Variants in NEK10 observed in about 807,000 individuals in gnomAD.
The protein encoded by NEK10 is serine/threonine-protein kinase Nek10.
In NEK10, 122 loss-of-function variants were observed where a neutral mutation model predicts 159.8. The ratio of observed to expected loss-of-function variants is 0.76; its 90% CI spans 0.66 to 0.89. The LOEUF (loss-of-function observed/expected upper bound fraction) is 0.89. NEK10 is among the 40% of genes least tolerant of loss of function. NEK10 has a pLI of 0.00. For missense variants in NEK10, 1,342 were observed against 1,323.1 expected (o/e 1.01, Z -0.22); for synonymous variants, 466 against 457.1 (o/e 1.02, Z -0.25).
chr3:27,224,352 A>G (rs949066997), intron 23 of NEK10, among the ~76,000 whole-genome samples: 9 of 152,198 alleles, frequency 5.9e-5, no homozygotes, highest in African/African-American at 2.2e-4. Context: ...TTCTGTACCC[A>G]GGCCCCTGCC....
chr3:27,368,165 C>A (rs1373692724), intron 1 of NEK10, among the ~76,000 whole-genome samples: 1 of 151,928 alleles, frequency 6.6e-6, no homozygotes, highest in Non-Finnish European at 1.5e-5. Flanking sequence ...TAGTGGCTCG[C>A]GCCTGTAATC....
intron 23 of NEK10, among the ~76,000 whole-genome samples, chr3:27,253,919 T>C (rs561236872): frequency 1.3e-4 from 20 of 152,270 alleles, no homozygotes; most frequent in Non-Finnish European, 2.5e-4. Flanking sequence ...CCTCAAGCAA[T>C]GGCCCTCCAG....
At chr3:27,186,539 G>C (rs917037884) in intron 26 of NEK10, among the ~76,000 whole-genome samples, 1 of 152,146 alleles carries the variant, frequency 6.6e-6, no homozygotes, top group African/African-American at 2.4e-5. Flanking sequence ...ATTAGAGTTG[G>C]GCTGTTGATG....
chr3:27,340,499 A>G (rs1448355885), intron 5 of NEK10, among the ~76,000 whole-genome samples: 1 of 152,170 alleles, frequency 6.6e-6, no homozygotes, highest in Non-Finnish European at 1.5e-5. Flanking sequence ...CGTTCTGAAC[A>G]TGTATACCAG....
chr3:27,200,600 CT>C (rs1306704233), intron 25 of NEK10, among the ~76,000 whole-genome samples: 1 of 152,214 alleles, frequency 6.6e-6, no homozygotes, highest in Non-Finnish European at 1.5e-5. Flanking sequence ...TACAAATTAA[CT>C]GACTAAGTCC....
intron 3 of NEK10, among the ~76,000 whole-genome samples, chr3:27,348,554 A>G (rs1474245787): frequency 1.3e-5 from 2 of 152,096 alleles, no homozygotes; most frequent in African/African-American, 4.8e-5. Flanking sequence ...CAGTTTGTCT[A>G]TCTTCTGTGT....
At chr3:27,150,824 A>C (rs1944780359) in intron 30 of NEK10, among the ~76,000 whole-genome samples, 3 of 152,200 alleles carry the variant, frequency 2.0e-5, no homozygotes, top group Non-Finnish European at 2.9e-5. Flanking sequence ...AGTCTATTGA[A>C]AACCTCCCAG....
intron 30 of NEK10, among the ~76,000 whole-genome samples, chr3:27,147,716 G>A (rs573793097): frequency 2.4e-4 from 36 of 152,290 alleles, no homozygotes; most frequent in African/African-American, 7.0e-4. Flanking sequence ...GGCCTGTAGC[G>A]TTAGAGGTTA....
At chr3:27,326,691 GT>G (rs2046025332) in intron 5 of NEK10, among the ~76,000 whole-genome samples, 1 of 152,108 alleles carries the variant, frequency 6.6e-6, no homozygotes, top group African/African-American at 2.4e-5. Flanking sequence ...TTTTTGTTTT[GT>G]TTTGTTTTGC....
chr3:27,249,867 T>G (rs1385397290), intron 23 of NEK10, among the ~76,000 whole-genome samples: 1 of 152,222 alleles, frequency 6.6e-6, no homozygotes, highest in Non-Finnish European at 1.5e-5. Context: ...TTTATTACTT[T>G]TTACTTTTTG....
At chr3:27,119,123 A>G (rs1940925518) in intron 33 of NEK10, among the ~76,000 whole-genome samples, 1 of 152,216 alleles carries the variant, frequency 6.6e-6, no homozygotes, top group Non-Finnish European at 1.5e-5. Context: ...ACTAATAGAC[A>G]GGCAGTTTTT....
intron 30 of NEK10, among the ~76,000 whole-genome samples, chr3:27,142,846 T>G (rs1943919965): frequency 6.6e-6 from 1 of 152,208 alleles, no homozygotes; most frequent in Admixed American, 6.5e-5. Flanking sequence ...CAGATATCTT[T>G]ACTGAGTTAG....
chr3:27,230,309 C>A (rs1390423393), intron 23 of NEK10, among the ~76,000 whole-genome samples: 1 of 151,946 alleles, frequency 6.6e-6, no homozygotes, highest in Non-Finnish European at 1.5e-5. Flanking sequence ...CTTTTTCAGA[C>A]AAACAAATGC....
rs75388206 is a variant in NEK10, at chr3:27,149,591, T to C, written c.2870-8009A>G. 2.1e-4 allele frequency among the ~76,000 whole-genome samples: 32 copies of C among 152,282 alleles called. No individual in the cohort carries two copies. In the East Asian group the frequency reaches 6.2e-3, roughly 29 times the overall value. On this transcript the variant is annotated intron_variant, in intron 30 of 35. Coordinates refer to ENST00000691995, the MANE Select transcript of NEK10 (RefSeq NM_001394966.1). ...TTTGGGGCACCACAAACTGCACTCA[T>C]ATAAGATAGTAAACTTAATGGATGG...
intron 23 of NEK10, among the ~76,000 whole-genome samples, chr3:27,203,460 A>G (rs1381622175): frequency 1.3e-5 from 2 of 152,198 alleles, no homozygotes; most frequent in African/African-American, 4.8e-5. Flanking sequence ...CTATTTTTTA[A>G]TTTAATTAGA....
At chr3:27,348,605 C>T (rs2047737947) in intron 3 of NEK10, among the ~76,000 whole-genome samples, 1 of 152,148 alleles carries the variant, frequency 6.6e-6, no homozygotes, top group Non-Finnish European at 1.5e-5. Flanking sequence ...GCCTGTTACT[C>T]CTGATCTTGG....
intron 31 of NEK10, among the ~76,000 whole-genome samples, chr3:27,140,881 A>C (rs1159119988): frequency 6.6e-6 from 1 of 152,216 alleles, no homozygotes; most frequent in Non-Finnish European, 1.5e-5. Flanking sequence ...TTCATGTCCA[A>C]AGGTCTTCTG....
chr3:27,274,588 T>C (rs1444901302), intron 22 of NEK10, among the ~76,000 whole-genome samples: 2 of 152,066 alleles, frequency 1.3e-5, no homozygotes, highest in African/African-American at 4.8e-5. Flanking sequence ...GCCAGACTCC[T>C]ATAAGGATGG....
intron 22 of NEK10, among the ~76,000 whole-genome samples, chr3:27,264,650 G>A (rs1387193508): frequency 2.0e-5 from 3 of 152,090 alleles, no homozygotes. Context: ...CCAGCGCTTT[G>A]GGAGGCCGAG....
Sources: allele counts gnomAD v4.1 joint callset (sites outside exome capture counted in the v4.1 genomes callset), GRCh38; gene constraint gnomAD v4.1.1; transcripts MANE v1.5; gene names NCBI Gene and HGNC (gene_info 2026-07-23, HGNC 2026-07-21).